SLC33A1: variants seen among roughly 807,000 people sequenced by gnomAD.
The protein encoded by SLC33A1 is solute carrier family 33 member 1, also known as acetyl-coenzyme A transporter 1.
Under a neutral mutation model 50.0 loss-of-function variants are expected in SLC33A1, and 20 were observed. That is an observed-to-expected ratio of 0.40 (90% CI 0.28 to 0.58). The LOEUF (loss-of-function observed/expected upper bound fraction) is 0.58, where lower values mean the gene tolerates loss of function less well. Among genes scored for constraint, SLC33A1 ranks in the 20% least tolerant of loss-of-function variants. The probability of loss-of-function intolerance (pLI) is 0.44; values close to 1 mark genes in which losing one functional copy is unlikely to be tolerated. For synonymous variants in SLC33A1, 265 were observed against 251.8 expected (o/e 1.05, Z -0.50); for missense variants, 476 against 657.0 (o/e 0.72, Z 3.01).
chr3:155,830,800 A>G (rs140774607), intron 4 of SLC33A1, among the ~76,000 whole-genome samples: 1,938 of 152,308 alleles, frequency 0.013, 28 homozygotes, highest in Non-Finnish European at 0.02. Context: ...TTTCTCCTAC[A>G]TATACACAAG....
chr3:155,831,659 T>TA, intron 4 of SLC33A1, among the ~76,000 whole-genome samples: 1 of 152,046 alleles, frequency 6.6e-6, no homozygotes, highest in East Asian at 1.9e-4. Context: ...GCTAAATAAA[T>TA]ACTTTTTTTG....
Position 155,853,317 on chromosome 3 carries a change from C to T in SLC33A1, c.681G>A (p.Leu227=). 1 of 1,613,976 alleles carries T rather than the reference C, an allele frequency of 6.2e-7. No individual in the cohort carries two copies. Among genetic ancestry groups the T allele is most frequent in the Non-Finnish European group, 8.5e-7 (1 of 1,179,994 alleles). The change falls in exon 1 of 6, where the codon TTG becomes TTA. Residue 227 remains leucine, a synonymous_variant. Coordinates refer to ENST00000643144, the MANE Select transcript of SLC33A1 (RefSeq NM_004733.4). ...CAAGGGCCAAAAACAAAACATTGCC[C>T]AAAAAGTAACCCGCTGTTTGGCCCA... ...NSVGQTAGYF[L]GNVLFLALES...
At chr3:155,840,899 C>T (rs1399077566) in intron 2 of SLC33A1, among the ~76,000 whole-genome samples, 5 of 152,028 alleles carry the variant, frequency 3.3e-5, no homozygotes, top group Admixed American at 6.6e-5. Flanking sequence ...GCAGGAGAAT[C>T]GCTTGAACCC....
In SLC33A1 at chr3:155,828,190, A is replaced by G. The variant is rs368273628; in HGVS notation, c.*20T>C. The G allele has an allele frequency of 1.3e-6, 2 of 1,558,240 alleles. No individual in the cohort carries two copies. Among genetic ancestry groups the G allele is most frequent in the Non-Finnish European group, 1.8e-6 (2 of 1,129,052 alleles). On this transcript the variant is annotated 3_prime_UTR_variant, in exon 6 of 6. Transcript: ENST00000643144. ...AACTAAACTACAATTACCTTGCTAG[A>G]ATGTCCAGTAGCATATATATTAATT...
chr3:155,830,262 A>G (rs1450566264), intron 4 of SLC33A1, among the ~76,000 whole-genome samples: 1 of 151,744 alleles, frequency 6.6e-6, no homozygotes, highest in Admixed American at 6.6e-5. Context: ...AGTCCCAGCT[A>G]CTTGGGAGGC....
rs1411529616 is a variant in SLC33A1 at position 155,821,873 on chromosome 3, AC to A, written c.*6336del. ...CTGCAACATCCCTCTCTCAGGTTCA[AC>A]CGATTCTCCTGCCTCAGCCTCCCAA... On this transcript the variant is annotated 3_prime_UTR_variant, in exon 6 of 6. Coordinates refer to ENST00000643144, the MANE Select transcript of SLC33A1 (RefSeq NM_004733.4). 1 of 151,120 alleles carries A rather than the reference AC, an allele frequency of 6.6e-6. No homozygotes were observed. The highest frequency in any genetic ancestry group is 2.4e-5 in the African/African-American group (1 of 40,934). 9.4% of individuals were successfully genotyped at this position (151,120 alleles called of 1,614,324 possible). A position where few individuals can be genotyped will look rare whatever the true frequency, so the allele number is the denominator to read the frequency against.
chr3:155,831,561 T>G (rs1752437874), intron 4 of SLC33A1, among the ~76,000 whole-genome samples: 1 of 151,976 alleles, frequency 6.6e-6, no homozygotes, highest in Non-Finnish European at 1.5e-5. Flanking sequence ...CGAATTTATT[T>G]GGTCTTGTAC....
At chr3:155,846,531 G>A (rs768799369) in intron 1 of SLC33A1, among the ~76,000 whole-genome samples, 2 of 147,364 alleles carry the variant, frequency 1.4e-5, no homozygotes, top group Non-Finnish European at 3.0e-5. Flanking sequence ...TCAGCTCACC[G>A]CAACCTCCAC....
chr3:155,845,809 G>A (rs1369428682), intron 1 of SLC33A1, among the ~76,000 whole-genome samples: 2 of 151,904 alleles, frequency 1.3e-5, no homozygotes, highest in African/African-American at 4.8e-5. Context: ...CAAAAACATG[G>A]AAATATTTCA....
chr3:155,844,438 T>C (rs1753052074), intron 1 of SLC33A1, among the ~76,000 whole-genome samples: 1 of 6,808 alleles, frequency 1.5e-4, no homozygotes, highest in African/African-American at 4.4e-4. Flanking sequence ...TATATATATA[T>C]ATATATATAT....
At chr3:155,852,770 T>C (rs1753447703) in intron 1 of SLC33A1, among the ~76,000 whole-genome samples, 1 of 152,190 alleles carries the variant, frequency 6.6e-6, no homozygotes, top group South Asian at 2.1e-4. Flanking sequence ...TCCCGTCCCT[T>C]AGCTGGTTCA....
intron 1 of SLC33A1, among the ~76,000 whole-genome samples, chr3:155,846,150 A>C (rs527777121): frequency 6.6e-6 from 1 of 152,246 alleles, no homozygotes; most frequent in Non-Finnish European, 1.5e-5. Flanking sequence ...AGTGTCTATT[A>C]TAAGATCTGG....
intron 2 of SLC33A1, among the ~76,000 whole-genome samples, chr3:155,834,828 C>T (rs939554945): frequency 6.7e-6 from 1 of 149,904 alleles, no homozygotes; most frequent in Non-Finnish European, 1.5e-5. Context: ...ACCTGAATAA[C>T]CTCAACCCAA....
At chr3:155,836,647 A>G (rs1752693683) in intron 2 of SLC33A1, among the ~76,000 whole-genome samples, 2 of 152,236 alleles carry the variant, frequency 1.3e-5, no homozygotes, top group Admixed American at 6.5e-5. Context: ...CTGTAAGCAC[A>G]GCACTTTGGG....
Position 155,826,519 on chromosome 3 carries a change from G to GT in SLC33A1, c.*1690dup, listed in dbSNP as rs1293215883. The stretch of plus-strand genomic sequence containing the variant: ...TTAAAAATCAAAACACATTTCATAT[G>GT]TAAGAGTTAAGTGGTTTTTTTTCTT... On this transcript the variant is annotated 3_prime_UTR_variant, in exon 6 of 6. Transcript: ENST00000643144. The GT allele has an allele frequency of 6.6e-6, 1 of 151,646 alleles. No individual in the cohort carries two copies. The highest frequency in any genetic ancestry group is 1.5e-5 in the Non-Finnish European group (1 of 67,788). The allele number at this position is 151,646 out of a possible 1,614,324, so 9.4% of individuals were successfully genotyped here.
At position 155,828,235 on chromosome 3, in the gene SLC33A1, G is replaced by A. The variant is rs767960891; in HGVS notation, c.1625C>T (p.Ser542Leu). Reference sequence around the variant, plus strand: ...TTAATTGTTCCTTTTGCATTTCCACGAAGATGATCCTTCATCCTGTAACTT... The same window carrying A: ...TTAATTGTTCCTTTTGCATTTCCACAAAGATGATCCTTCATCCTGTAACTT... ...FKKLQDEGSS[S>L]WKCKRNN The change falls in exon 6 of 6, where the codon TCG (serine) becomes TTG (leucine). Residue 542 changes from serine (S) to leucine (L), a missense_variant. By Grantham distance (145) the Ser-to-Leu change is moderately radical. Coordinates refer to ENST00000643144, the MANE Select transcript of SLC33A1 (RefSeq NM_004733.4). 5.6e-6 allele frequency: 9 copies of A among 1,612,896 alleles called. No individual in the cohort carries two copies. Among genetic ancestry groups the A allele is most frequent in the Admixed American group, 1.7e-5 (1 of 59,986 alleles).
At chr3:155,839,532 CACTA>C (rs1161889270) in intron 2 of SLC33A1, among the ~76,000 whole-genome samples, 14 of 152,010 alleles carry the variant, frequency 9.2e-5, no homozygotes, top group Admixed American at 2.0e-4. Context: ...AAATTTAACA[CACTA>C]ACTATATCAT....
intron 2 of SLC33A1, among the ~76,000 whole-genome samples, chr3:155,838,334 T>C (rs1014641644): frequency 6.6e-6 from 1 of 150,944 alleles, no homozygotes; most frequent in Non-Finnish European, 1.5e-5. Context: ...AAAAAATCTA[T>C]TGGCCAGCCT....
rs534159445 is a variant in SLC33A1, at chr3:155,821,333, A to G, written c.*6877T>C. On this transcript the variant is annotated 3_prime_UTR_variant, in exon 6 of 6. Transcript: ENST00000643144. ...CAATAATTTCATAAAGATCTCAACA[A>G]TGACAGCTTTCAACATTGAGTATTT... 2.0e-5 allele frequency: 3 copies of G among 152,358 alleles called. No individual in the cohort carries two copies. The East Asian group carries it at 5.8e-4, about 29-fold the overall frequency. The allele number at this position is 152,358 out of a possible 1,614,324, so 9.4% of individuals were successfully genotyped here. A position where few individuals can be genotyped will look rare whatever the true frequency, so the allele number is the denominator to read the frequency against.
Sources: gnomAD v4.1 joint callset for allele counts (sites outside exome capture counted in the v4.1 genomes callset) on GRCh38, gnomAD v4.1.1 for gene constraint, MANE v1.5 for transcripts, NCBI Gene and HGNC (gene_info 2026-07-23, HGNC 2026-07-21) for gene names.